The following FOXP2 variants were observed in gnomAD, a reference collection of about 807,000 sequenced individuals.
FOXP2 encodes forkhead box P2.
A neutral mutation model predicts 115.8 loss-of-function variants in FOXP2; 12 were observed. The ratio of observed to expected loss-of-function variants is 0.10; its 90% confidence interval spans 0.07 to 0.17. The LOEUF (loss-of-function observed/expected upper bound fraction) is 0.17, where lower values mean the gene tolerates loss of function less well. Among genes scored for constraint, FOXP2 ranks in the 10% least tolerant of loss-of-function variants. The pLI is 1.00. For synonymous variants in FOXP2, 328 were observed against 297.7 expected, an observed-to-expected ratio of 1.10 and a Z score of -1.05; for missense variants, 629 against 843.5, an observed-to-expected ratio of 0.75 and a Z score of 3.15.
At chr7:114,431,031 T>C (rs1794085399) in intron 2 of FOXP2, among the ~76,000 whole-genome samples, 1 of 151,932 alleles carries the variant, frequency 6.6e-6, no homozygotes, top group South Asian at 2.1e-4. Context: ...TTTAAATCTA[T>C]TTACTATGCA....
chr7:114,579,569 C>A (rs1421027256), intron 3 of FOXP2, among the ~76,000 whole-genome samples: 2 of 151,596 alleles, frequency 1.3e-5, no homozygotes, highest in Admixed American at 1.3e-4. Flanking sequence ...TTTTTTCTGT[C>A]CCCCCATAGC....
chr7:114,254,153 A>G (rs140776177), intron 1 of FOXP2, among the ~76,000 whole-genome samples: 1 of 152,116 alleles, frequency 6.6e-6, no homozygotes, highest in African/African-American at 2.4e-5. Flanking sequence ...GAGTTTCTGC[A>G]GAGAGATCTG....
chr7:114,402,998 C>T (rs1171923951), intron 2 of FOXP2, among the ~76,000 whole-genome samples: 1 of 152,142 alleles, frequency 6.6e-6, no homozygotes, highest in African/African-American at 2.4e-5. Flanking sequence ...TTACCAGCTA[C>T]ATCTATGTTC....
At chr7:114,281,624 T>C (rs1181216723) in intron 1 of FOXP2, among the ~76,000 whole-genome samples, 1 of 152,152 alleles carries the variant, frequency 6.6e-6, no homozygotes, top group African/African-American at 2.4e-5. Context: ...TTTTGATTTT[T>C]ACATTATCTG....
chr7:114,217,774 A>C (rs1225013949), intron 1 of FOXP2, among the ~76,000 whole-genome samples: 1 of 152,240 alleles, frequency 6.6e-6, no homozygotes, highest in East Asian at 1.9e-4. Flanking sequence ...GATAGTGCTT[A>C]AGTGAGTATT....
chr7:114,326,085 G>C (rs1026563847), intron 2 of FOXP2, among the ~76,000 whole-genome samples: 1 of 152,106 alleles, frequency 6.6e-6, no homozygotes, highest in South Asian at 2.1e-4. Context: ...TTTGTCGTTA[G>C]AATTAGTTCA....
chr7:114,272,021 A>G (rs1334552293), intron 1 of FOXP2, among the ~76,000 whole-genome samples: 1 of 138,402 alleles, frequency 7.2e-6, no homozygotes, highest in Non-Finnish European at 1.5e-5. Flanking sequence ...TTATAATATT[A>G]ATAAATAATA....
chr7:114,556,781 C>T (rs1001789237), intron 3 of FOXP2, among the ~76,000 whole-genome samples: 1 of 152,126 alleles, frequency 6.6e-6, no homozygotes, highest in Non-Finnish European at 1.5e-5. Flanking sequence ...AAGTTCACAA[C>T]AAATGCACTT....
intron 1 of FOXP2, among the ~76,000 whole-genome samples, chr7:114,230,809 A>G (rs912507938): frequency 1.3e-5 from 2 of 152,008 alleles, no homozygotes; most frequent in Non-Finnish European, 2.9e-5. Flanking sequence ...AACATCAGGA[A>G]CAAGACAAGA....
intron 1 of FOXP2, among the ~76,000 whole-genome samples, chr7:114,255,794 C>A (rs1462662664): frequency 6.6e-6 from 1 of 152,144 alleles, no homozygotes; most frequent in African/African-American, 2.4e-5. Context: ...GCTCCACCCA[C>A]TGTCCTGCAA....
rs370403516 is a variant in FOXP2 at position 114,353,095 on chromosome 7, A to G, written c.-11+64986A>G. Among the ~76,000 whole-genome samples, 90 of 152,276 alleles carry G rather than the reference A, an allele frequency of 5.9e-4. No homozygotes were observed. In the East Asian group the frequency reaches 6.0e-3, roughly 10 times the overall value. On this transcript the variant is annotated intron_variant, in intron 2 of 17. Coordinates refer to the FOXP2 transcript ENST00000634411. Reference sequence around the variant, plus strand: ...CCACATCAACCTCTCACCACTGTCCATAAGACAATCCTTTAGCCCCACAAA... The same window carrying G: ...CCACATCAACCTCTCACCACTGTCCGTAAGACAATCCTTTAGCCCCACAAA...
chr7:114,209,623 T>C (rs753972526), intron 1 of FOXP2, among the ~76,000 whole-genome samples: 8 of 152,168 alleles, frequency 5.3e-5, no homozygotes, highest in Non-Finnish European at 1.0e-4. Context: ...TGCTTATGTG[T>C]CTTGGGGTTG....
At chr7:114,372,574 C>T (rs1792040011) in intron 2 of FOXP2, among the ~76,000 whole-genome samples, 1 of 152,146 alleles carries the variant, frequency 6.6e-6, no homozygotes, top group African/African-American at 2.4e-5. Flanking sequence ...ATTTGTACAT[C>T]AATTTCCCCA....
chr7:114,619,411 G>T (rs1190912175), intron 3 of FOXP2, among the ~76,000 whole-genome samples: 1 of 152,072 alleles, frequency 6.6e-6, no homozygotes, highest in Non-Finnish European at 1.5e-5. Flanking sequence ...ATGTTTAACT[G>T]TGTTTTCATA....
intron 3 of FOXP2, among the ~76,000 whole-genome samples, chr7:114,602,570 A>C (rs1367381279): frequency 6.6e-6 from 1 of 152,016 alleles, no homozygotes; most frequent in Non-Finnish European, 1.5e-5. Flanking sequence ...AAATAATAAT[A>C]TATCAATATA....
At chr7:114,297,212 GA>G (rs1796762001) in intron 2 of FOXP2, 1 of 481,034 alleles carries the variant, frequency 2.1e-6, no homozygotes, top group Admixed American at 2.6e-5. Flanking sequence ...TTTTCTCGAT[GA>G]AACTTGAGGG....
chr7:114,583,149 A>G (rs2129302713), intron 3 of FOXP2, among the ~76,000 whole-genome samples: 1 of 152,214 alleles, frequency 6.6e-6, no homozygotes, highest in South Asian at 2.1e-4. Context: ...AGGCCAAGGC[A>G]GGCAGATCAT....
chr7:114,514,354 C>G (rs1798224481), intron 2 of FOXP2, among the ~76,000 whole-genome samples: 1 of 152,010 alleles, frequency 6.6e-6, no homozygotes, highest in Non-Finnish European at 1.5e-5. Context: ...CAACAGATAT[C>G]TTAAATTTAT....
rs73429309 is a variant in FOXP2, at chr7:114,512,497, C to A, written c.169-22120C>A. On this transcript the variant is annotated intron_variant, in intron 2 of 16. Coordinates refer to ENST00000350908, the MANE Select transcript of FOXP2 (RefSeq NM_014491.4). ...CTAGAACAGAGTGGGATGGAAGTGG[C>A]TCCATGTAACAGTTCTCATGGAAGC... Among the ~76,000 whole-genome samples, 1,267 of 152,244 alleles carry A rather than the reference C, an allele frequency of 8.3e-3. 14 individuals are homozygous for A. Among genetic ancestry groups the A allele is most frequent in the African/African-American group, 0.029 (1,208 of 41,560 alleles).
Sources: gnomAD v4.1 joint callset for allele counts (sites outside exome capture counted in the v4.1 genomes callset) on GRCh38, gnomAD v4.1.1 for gene constraint, MANE v1.5 for transcripts, NCBI Gene and HGNC (gene_info 2026-07-23, HGNC 2026-07-21) for gene names.